Variants in KHDRBS2 observed in about 807,000 individuals in gnomAD.
The protein encoded by KHDRBS2 is KH RNA binding domain containing, signal transduction associated 2, also known as KH domain-containing, RNA-binding, signal transduction-associated protein 2.
KHDRBS2 carries 26 observed loss-of-function variants against 44.3 expected under a neutral mutation model. That is an observed-to-expected ratio of 0.59 (90% CI 0.43 to 0.81). The LOEUF (loss-of-function observed/expected upper bound fraction) is 0.81. Among genes scored for constraint, KHDRBS2 ranks in the 40% least tolerant of loss-of-function variants. The pLI, the probability that KHDRBS2 is intolerant of heterozygous loss-of-function variation, is 0.00. For synonymous variants in KHDRBS2, 194 were observed against 151.1 expected, an observed-to-expected ratio of 1.28 and a Z score of -2.08; for missense variants, 476 against 433.1, an observed-to-expected ratio of 1.10 and a Z score of -0.88.
At chr6:62,207,242 T>C (rs1305154809) in intron 1 of KHDRBS2, among the ~76,000 whole-genome samples, 1 of 152,072 alleles carries the variant, frequency 6.6e-6, no homozygotes, top group Non-Finnish European at 1.5e-5. Context: ...AAGCATTATA[T>C]AAAAATTAGA....
chr6:61,785,221 G>A (rs1344059550), intron 6 of KHDRBS2, among the ~76,000 whole-genome samples: 1 of 151,404 alleles, frequency 6.6e-6, no homozygotes, highest in East Asian at 1.9e-4. Flanking sequence ...AGAGGGAAGA[G>A]TGCAAACATG....
At chr6:61,937,135 C>T (rs1811172316) in intron 4 of KHDRBS2, among the ~76,000 whole-genome samples, 1 of 151,868 alleles carries the variant, frequency 6.6e-6, no homozygotes, top group Non-Finnish European at 1.5e-5. Context: ...TGGTCATCTT[C>T]TCAGGTCCAT....
chr6:62,030,198 G>C (rs1332545341), intron 3 of KHDRBS2, among the ~76,000 whole-genome samples: 2 of 152,058 alleles, frequency 1.3e-5, no homozygotes, highest in Non-Finnish European at 2.9e-5. Context: ...CACCACTCTG[G>C]TGTACTAGTA....
chr6:61,784,278 A>G (rs764246966), intron 6 of KHDRBS2, among the ~76,000 whole-genome samples: 3 of 151,656 alleles, frequency 2.0e-5, no homozygotes, highest in Non-Finnish European at 4.4e-5. Flanking sequence ...AGTATTTATT[A>G]CTCTAATTAT....
chr6:62,091,656 C>T (rs924978396), intron 2 of KHDRBS2, among the ~76,000 whole-genome samples: 1 of 151,952 alleles, frequency 6.6e-6, no homozygotes, highest in Non-Finnish European at 1.5e-5. Context: ...ACCACTTTTT[C>T]AAATTTTCAC....
chr6:61,763,923 A>G (rs1414841223), intron 6 of KHDRBS2, among the ~76,000 whole-genome samples: 1 of 152,080 alleles, frequency 6.6e-6, no homozygotes, highest in African/African-American at 2.4e-5. Flanking sequence ...ATCAACACCC[A>G]TCACCTAGTT....
At chr6:61,743,778 C>A (rs568876681) in intron 6 of KHDRBS2, among the ~76,000 whole-genome samples, 4 of 95,080 alleles carry the variant, frequency 4.2e-5, no homozygotes, top group South Asian at 3.2e-4. Flanking sequence ...CTATCCCCCC[C>A]CTCCCCCCAC....
intron 6 of KHDRBS2, among the ~76,000 whole-genome samples, chr6:61,868,075 G>A (rs1195538458): frequency 8.5e-5 from 13 of 152,132 alleles, no homozygotes; most frequent in Non-Finnish European, 1.5e-4. Flanking sequence ...AACAGCAAAT[G>A]TGGCAGCCCA....
Position 61,982,515 on chromosome 6 carries a change from C to CA in KHDRBS2, c.337-4304dup, listed in dbSNP as rs1774054861. On this transcript the variant is annotated intron_variant, in intron 3 of 8. Transcript: ENST00000281156. ...TGAAACCCCGTCTCTACTAAAAATACAAAAAATTAGCCGGGCGTGGTGGCG... is the reference window on the plus strand; with the variant it reads ...TGAAACCCCGTCTCTACTAAAAATACAAAAAAATTAGCCGGGCGTGGTGGCG... Among the ~76,000 whole-genome samples the CA allele has an allele frequency of 1.3e-4, 20 of 151,462 alleles. No homozygotes were observed. In the South Asian group the frequency reaches 4.2e-3, roughly 32 times the overall value.
chr6:61,722,273 T>A (rs1355617471), intron 7 of KHDRBS2, among the ~76,000 whole-genome samples: 5 of 152,198 alleles, frequency 3.3e-5, no homozygotes, highest in African/African-American at 1.2e-4. Flanking sequence ...GGCTTTGGTA[T>A]CAGGATGATG....
intron 4 of KHDRBS2, among the ~76,000 whole-genome samples, chr6:61,951,655 G>A (rs1516719): frequency 0.34 from 52,037 of 151,830 alleles, 9,080 homozygotes; most frequent in Middle Eastern, 0.41. Flanking sequence ...CGAATTCAAA[G>A]ACAGAATTAG....
chr6:61,773,264 A>C (rs1170139043), intron 6 of KHDRBS2, among the ~76,000 whole-genome samples: 1 of 152,166 alleles, frequency 6.6e-6, no homozygotes, highest in Middle Eastern at 3.2e-3. Flanking sequence ...CCAACAGTGT[A>C]AAAGTGTTCC....
At chr6:61,543,345 T>C in the KHDRBS2 span, among the ~76,000 whole-genome samples, 6 of 151,770 alleles carry the variant, frequency 4.0e-5, no homozygotes, top group Non-Finnish European at 8.8e-5. Context: ...AAGTGGAAAA[T>C]AGATATATGT....
chr6:62,272,465 A>G (rs889234557), intron 1 of KHDRBS2, among the ~76,000 whole-genome samples: 3 of 152,194 alleles, frequency 2.0e-5, no homozygotes, highest in African/African-American at 7.2e-5. Context: ...TTCATACTAT[A>G]TCCTCAGTAA....
At chr6:61,809,754 CTTCTT>C (rs1787804439) in intron 6 of KHDRBS2, among the ~76,000 whole-genome samples, 2 of 152,114 alleles carry the variant, frequency 1.3e-5, no homozygotes, top group South Asian at 4.1e-4. Context: ...CTGACAACCT[CTTCTT>C]TTCAATAACT....
At chr6:61,889,229 G>A (rs1000842214) in intron 6 of KHDRBS2, among the ~76,000 whole-genome samples, 2 of 152,056 alleles carry the variant, frequency 1.3e-5, no homozygotes, top group African/African-American at 4.8e-5. Flanking sequence ...AGGCTGAAAC[G>A]ATTATTCCCA....
In KHDRBS2 at chr6:62,070,335, CTT is replaced by C. The variant is rs35219578; in HGVS notation, c.220-22343_220-22342del. ...AAAATAAGTTGGAAAGTGTTCACTT[CTT>C]TTTTTTTTTCTTTTATTATACTTTA... is the stretch of plus-strand genomic sequence containing the variant. On this transcript the variant is annotated intron_variant, in intron 2 of 8. Transcript: ENST00000281156. 1.0e-4 allele frequency among the ~76,000 whole-genome samples: 15 copies of C among 148,676 alleles called. No individual in the cohort carries two copies. In the East Asian group the frequency reaches 1.8e-3, roughly 18 times the overall value.
chr6:61,989,722 T>C (rs1354293313), intron 3 of KHDRBS2, among the ~76,000 whole-genome samples: 1 of 152,218 alleles, frequency 6.6e-6, no homozygotes, highest in African/African-American at 2.4e-5. Flanking sequence ...TTTTTAATTG[T>C]ATTTCTTCAT....
the KHDRBS2 span, among the ~76,000 whole-genome samples, chr6:61,552,375 T>C: frequency 6.6e-6 from 1 of 152,182 alleles, no homozygotes; most frequent in African/African-American, 2.4e-5. Context: ...ATACTAAAAC[T>C]TTGCTGAAGT....
Sources: gnomAD v4.1 joint callset for allele counts (sites outside exome capture counted in the v4.1 genomes callset) on GRCh38, gnomAD v4.1.1 for gene constraint, MANE v1.5 for transcripts, NCBI Gene and HGNC (gene_info 2026-07-23, HGNC 2026-07-21) for gene names.